KIAA0319L: variants seen among roughly 807,000 people sequenced by gnomAD.
The protein encoded by KIAA0319L is KIAA0319 like, also known as dyslexia-associated protein KIAA0319-like protein.
KIAA0319L carries 55 observed loss-of-function variants against 120.1 expected under a neutral mutation model. The ratio of observed to expected loss-of-function variants is 0.46; its 90% CI spans 0.37 to 0.57. The LOEUF is 0.57. Among genes scored for constraint, KIAA0319L ranks in the 20% least tolerant of loss-of-function variants. The probability of loss-of-function intolerance (pLI) is 0.00; values close to 1 mark genes in which losing one functional copy is unlikely to be tolerated. For missense variants in KIAA0319L, 1,049 were observed against 1,255.3 expected, an observed-to-expected ratio of 0.84 and a Z score of 2.48; for synonymous variants, 398 against 471.9, an observed-to-expected ratio of 0.84 and a Z score of 2.03.
chr1:35,462,161 T>G (rs1642943798), intron 8 of KIAA0319L, among the ~76,000 whole-genome samples: 1 of 151,960 alleles, frequency 6.6e-6, no homozygotes, highest in Non-Finnish European at 1.5e-5. Flanking sequence ...GGGTGTGGAG[T>G]GCATTCTGTG....
intron 2 of KIAA0319L, among the ~76,000 whole-genome samples, chr1:35,552,465 G>A (rs1186058075): frequency 1.3e-5 from 2 of 152,184 alleles, no homozygotes; most frequent in Admixed American, 6.5e-5. Context: ...CCTCCACCAT[G>A]TTCTTGCTGT....
intron 4 of KIAA0319L, among the ~76,000 whole-genome samples, chr1:35,477,666 C>CA (rs34588440): frequency 0.017 from 931 of 53,918 alleles, 5 homozygotes; most frequent in Non-Finnish European, 0.032. Flanking sequence ...GACTCTGTCT[C>CA]AAAAAAAAAA....
intron 2 of KIAA0319L, among the ~76,000 whole-genome samples, chr1:35,539,051 G>T (rs1320496365): frequency 1.3e-5 from 2 of 152,008 alleles, no homozygotes; most frequent in Admixed American, 6.6e-5. Context: ...ACACCCAAAT[G>T]TTCTTCAGTG....
chr1:35,530,083 T>C (rs969086610), intron 2 of KIAA0319L, among the ~76,000 whole-genome samples: 1 of 152,044 alleles, frequency 6.6e-6, no homozygotes, highest in Non-Finnish European at 1.5e-5. Context: ...TCACTCAGGC[T>C]GGAGTGCAGT....
intron 2 of KIAA0319L, among the ~76,000 whole-genome samples, chr1:35,527,204 T>C (rs1439605534): frequency 6.6e-6 from 1 of 152,158 alleles, no homozygotes; most frequent in Non-Finnish European, 1.5e-5. Flanking sequence ...TTGATTTGCA[T>C]TTGTTGAACC....
chr1:35,469,022 T>C (rs972251846), intron 6 of KIAA0319L, among the ~76,000 whole-genome samples: 10 of 152,180 alleles, frequency 6.6e-5, no homozygotes, highest in African/African-American at 9.7e-5. Context: ...ATGAATTCAA[T>C]AGGTGGTTTT....
At chr1:35,501,728 A>G (rs571996563) in intron 3 of KIAA0319L, among the ~76,000 whole-genome samples, 2 of 152,046 alleles carry the variant, frequency 1.3e-5, no homozygotes, top group African/African-American at 4.8e-5. Flanking sequence ...AATACAAAAA[A>G]TTAGCTGGGC....
intron 3 of KIAA0319L, among the ~76,000 whole-genome samples, chr1:35,481,814 C>CTTTTTTTTTTTTT: frequency 2.0e-5 from 1 of 48,946 alleles, no homozygotes; most frequent in Non-Finnish European, 3.7e-5. Context: ...TCTGCTGTTT[C>CTTTTTTTTTTTTT]TTTTTTTTTT....
At chr1:35,494,265 A>G (rs1644711709) in intron 3 of KIAA0319L, among the ~76,000 whole-genome samples, 1 of 151,634 alleles carries the variant, frequency 6.6e-6, no homozygotes, top group Non-Finnish European at 1.5e-5. Flanking sequence ...TGGCCAACAT[A>G]ATGAAACCCC....
At chr1:35,450,319 C>A in intron 14 of KIAA0319L, 39 bp downstream of exon 14, 1 of 1,589,528 alleles carries the variant, frequency 6.3e-7, no homozygotes, top group Admixed American at 1.7e-5. Context: ...CCTCCTCCTC[C>A]CCACTCCTGT....
chr1:35,439,560 C>G (rs1641048387), intron 20 of KIAA0319L: 2 of 152,218 alleles, frequency 1.3e-5, no homozygotes, highest in African/African-American at 2.4e-5. Context: ...AATCATGAGA[C>G]AGCGAGAGAA....
chr1:35,483,871 G>GGA (rs1289697534), intron 3 of KIAA0319L, among the ~76,000 whole-genome samples: 1 of 152,206 alleles, frequency 6.6e-6, no homozygotes, highest in Non-Finnish European at 1.5e-5. Flanking sequence ...AGGCCCTAGA[G>GGA]GAGAATCTTT....
chr1:35,454,563 G>T, intron 10 of KIAA0319L, 78 bp from the exon 11 acceptor site: 2 of 1,577,080 alleles, frequency 1.3e-6, no homozygotes, highest in Admixed American at 1.8e-5. Context: ...TGGTAAAAAC[G>T]ATTTAGTTTT....
In KIAA0319L at chr1:35,535,340, T is replaced by C. The variant is rs367762141; in HGVS notation, c.142+19010A>G. On this transcript the variant is annotated intron_variant, in intron 2 of 20. Coordinates refer to ENST00000325722, the MANE Select transcript of KIAA0319L (RefSeq NM_024874.5). ...CATACATGTCCCTCATAACATTGAG[T>C]TGAAATTTGTTTTCAAACAAAATCC... 3.0e-4 allele frequency among the ~76,000 whole-genome samples: 46 copies of C among 152,168 alleles called. 2 individuals are homozygous for C. The East Asian group carries it at 3.5e-3, about 11-fold the overall frequency.
intron 2 of KIAA0319L, chr1:35,510,342 T>C (rs1360189644): frequency 6.6e-6 from 1 of 150,452 alleles, no homozygotes; most frequent in Non-Finnish European, 1.5e-5. Context: ...GAAATACCAA[T>C]AAACGTGAAA....
intron 3 of KIAA0319L, among the ~76,000 whole-genome samples, chr1:35,504,203 C>CT (rs924758114): frequency 5.7e-4 from 73 of 127,102 alleles, no homozygotes; most frequent in African/African-American, 6.4e-4. Flanking sequence ...ATTTTCTTCC[C>CT]TTTTTTTTTT....
rs1348804844 is a variant in KIAA0319L, at chr1:35,437,590, A to T, written c.2963-2509T>A. Among the ~76,000 whole-genome samples, 2 of 152,178 alleles carry T rather than the reference A, an allele frequency of 1.3e-5. No homozygotes were observed. The highest frequency in any genetic ancestry group is 2.9e-5 in the Non-Finnish European group (2 of 68,036). ...CCACTGTCACTCCCCACTCTACTGC[A>T]GCTCTCTGATGGGCCAGGAGCTTCT... On this transcript the variant is annotated intron_variant, in intron 20 of 20. Coordinates refer to ENST00000325722, the MANE Select transcript of KIAA0319L (RefSeq NM_024874.5). The surrounding 1 kb of genome is among the most constrained non-coding windows in gnomAD (Gnocchi z 4.1).
intron 2 of KIAA0319L, chr1:35,511,262 TG>T (rs975319516): frequency 6.6e-6 from 1 of 152,456 alleles, no homozygotes. Flanking sequence ...GAATTCATAC[TG>T]GGGGGAAAAA....
At chr1:35,463,707 T>G (rs1643058714) in intron 7 of KIAA0319L, among the ~76,000 whole-genome samples, 1 of 152,178 alleles carries the variant, frequency 6.6e-6, no homozygotes, top group Non-Finnish European at 1.5e-5. Flanking sequence ...AAAAGAGCAT[T>G]GAGAATTTAT....
Sources: gnomAD v4.1 joint callset for allele counts (sites outside exome capture counted in the v4.1 genomes callset) on GRCh38, gnomAD v4.1.1 for gene constraint, Gnocchi (gnomAD v3.1) non-coding constraint, MANE v1.5 for transcripts, NCBI Gene and HGNC (gene_info 2026-07-23, HGNC 2026-07-21) for gene names.